CSMD3: variants seen among roughly 807,000 people sequenced by gnomAD.
The protein encoded by CSMD3 is CUB and sushi domain-containing protein 3.
A neutral mutation model predicts 435.2 loss-of-function variants in CSMD3; 177 were observed. The observed-to-expected ratio is 0.41, with a 90% confidence interval of 0.36 to 0.46. The LOEUF is 0.46. CSMD3 is among the 20% of genes least tolerant of loss of function. The probability of loss-of-function intolerance (pLI) is 0.34; values close to 1 mark genes in which losing one functional copy is unlikely to be tolerated. For missense variants in CSMD3, 4,265 were observed against 4,504.6 expected (o/e 0.95, Z 1.52); for synonymous variants, 1,656 against 1,520.5 (o/e 1.09, Z -2.07).
At chr8:113,160,276 A>T (rs905794072) in intron 4 of CSMD3, among the ~76,000 whole-genome samples, 1 of 151,910 alleles carries the variant, frequency 6.6e-6, no homozygotes, top group Non-Finnish European at 1.5e-5. Flanking sequence ...TTCTATATTA[A>T]CAACCTAGAA....
At chr8:112,618,420 A>G (rs1374133994) in intron 22 of CSMD3, among the ~76,000 whole-genome samples, 1 of 152,106 alleles carries the variant, frequency 6.6e-6, no homozygotes, top group Non-Finnish European at 1.5e-5. Context: ...AGAAGGCACA[A>G]CTTTTTTGTA....
intron 10 of CSMD3, among the ~76,000 whole-genome samples, chr8:112,894,162 A>G (rs963813596): frequency 1.3e-5 from 2 of 151,646 alleles, no homozygotes; most frequent in Non-Finnish European, 3.0e-5. Flanking sequence ...TCAAGTTCCA[A>G]GAGATCATCA....
At chr8:112,440,093 G>C (rs190685284) in intron 32 of CSMD3, among the ~76,000 whole-genome samples, 11 of 152,240 alleles carry the variant, frequency 7.2e-5, no homozygotes, top group Admixed American at 7.2e-4. Flanking sequence ...ATCAAGGCAA[G>C]TCCCTTCTAT....
intron 42 of CSMD3, among the ~76,000 whole-genome samples, chr8:112,339,539 T>C (rs1824899728): frequency 6.6e-6 from 1 of 152,126 alleles, no homozygotes; most frequent in African/African-American, 2.4e-5. Flanking sequence ...TCATTCTTTC[T>C]TTGCTTTGCT....
chr8:112,741,355 C>T (rs919769385), intron 13 of CSMD3, among the ~76,000 whole-genome samples: 1 of 151,960 alleles, frequency 6.6e-6, no homozygotes, highest in Non-Finnish European at 1.5e-5. Context: ...TGAAAAGATA[C>T]TCAGCATCAC....
At position 112,873,724 on chromosome 8, in the gene CSMD3, T is replaced by C. The variant is rs577746925; in HGVS notation, c.1634-14458A>G. ...TAGAGGATTTTATAGTATTCTCTGA[T>C]GGTAGTTTGTATTTCTGTGGGATCA... On this transcript the variant is annotated intron_variant, in intron 10 of 70. Coordinates refer to ENST00000297405, the MANE Select transcript of CSMD3 (RefSeq NM_198123.2). 5.3e-5 allele frequency among the ~76,000 whole-genome samples: 8 copies of C among 152,236 alleles called. No homozygotes were observed. In the East Asian group the frequency reaches 1.2e-3, roughly 22 times the overall value.
intron 19 of CSMD3, among the ~76,000 whole-genome samples, chr8:112,646,415 T>C (rs985088826): frequency 6.6e-6 from 1 of 152,112 alleles, no homozygotes; most frequent in African/African-American, 2.4e-5. Flanking sequence ...TGTTTGTGTG[T>C]GTGTATTTAC....
chr8:112,766,764 G>T (rs1364890184), intron 13 of CSMD3, among the ~76,000 whole-genome samples: 3 of 151,810 alleles, frequency 2.0e-5, no homozygotes, highest in African/African-American at 7.2e-5. Context: ...AGGAGAAGCA[G>T]CAGCAGAGAA....
chr8:112,255,226 T>A (rs2130273164), intron 62 of CSMD3, 28 bp downstream of exon 62: 1 of 1,575,378 alleles, frequency 6.3e-7, no homozygotes, highest in Non-Finnish European at 8.7e-7. Context: ...ACAGTTACTG[T>A]GCATAATCAG....
chr8:113,213,625 T>G (rs770269874), intron 3 of CSMD3, among the ~76,000 whole-genome samples: 1 of 152,066 alleles, frequency 6.6e-6, no homozygotes, highest in Non-Finnish European at 1.5e-5. Context: ...TATGATTATT[T>G]TCTTTGAGTA....
intron 4 of CSMD3, among the ~76,000 whole-genome samples, chr8:113,121,827 G>A (rs1438566755): frequency 2.6e-5 from 4 of 151,934 alleles, no homozygotes; most frequent in Admixed American, 6.6e-5. Flanking sequence ...TATAACTAAA[G>A]TATGAATACT....
chr8:112,572,050 G>T (rs1829569512), intron 24 of CSMD3, among the ~76,000 whole-genome samples: 1 of 149,426 alleles, frequency 6.7e-6, no homozygotes. Flanking sequence ...AAAAAAAAAA[G>T]TTTGCCCATC....
rs572164174 is a variant in CSMD3, at chr8:112,828,638, G to C, written c.1859+1048C>G. 4.6e-5 allele frequency among the ~76,000 whole-genome samples: 7 copies of C among 152,274 alleles called. No homozygotes were observed. In the South Asian group the frequency reaches 1.0e-3, roughly 23 times the overall value. The stretch of plus-strand genomic sequence containing the variant: ...TTTCTTCATAAATAATCCAGTCTCA[G>C]GTAGTTCTTTAAAGCAGTGTGAAAA... On this transcript the variant is annotated intron_variant, in intron 12 of 70. Transcript: ENST00000297405.
intron 1 of CSMD3, among the ~76,000 whole-genome samples, chr8:113,335,379 C>T (rs1194553351): frequency 6.6e-6 from 1 of 151,822 alleles, no homozygotes; most frequent in South Asian, 2.1e-4. Context: ...TCAGCTTTAC[C>T]AGCAGTATGT....
At chr8:112,768,073 G>T (rs980547862) in intron 13 of CSMD3, among the ~76,000 whole-genome samples, 2 of 151,620 alleles carry the variant, frequency 1.3e-5, no homozygotes, top group African/African-American at 4.8e-5. Flanking sequence ...CTAGTGTTTT[G>T]CAATGAATTT....
At chr8:112,788,526 T>C (rs1010848774) in intron 13 of CSMD3, among the ~76,000 whole-genome samples, 1 of 152,080 alleles carries the variant, frequency 6.6e-6, no homozygotes, top group Non-Finnish European at 1.5e-5. Flanking sequence ...TGTCTTATTA[T>C]AGTCTCCAAA....
chr8:113,280,564 A>T (rs1015254226), intron 2 of CSMD3, among the ~76,000 whole-genome samples: 1 of 151,660 alleles, frequency 6.6e-6, no homozygotes, highest in African/African-American at 2.4e-5. Context: ...TTTCTTGGTT[A>T]ATCTTGTGAA....
intron 22 of CSMD3, among the ~76,000 whole-genome samples, chr8:112,602,501 G>A (rs1832439084): frequency 6.6e-6 from 1 of 151,238 alleles, no homozygotes; most frequent in Admixed American, 6.6e-5. Flanking sequence ...AGGAGGCGGA[G>A]GTTGCCGTGA....
chr8:113,101,475 A>G (rs946109373), intron 4 of CSMD3, among the ~76,000 whole-genome samples: 3 of 152,144 alleles, frequency 2.0e-5, no homozygotes, highest in Non-Finnish European at 2.9e-5. Flanking sequence ...TAATAATAAT[A>G]TATTATATTC....
Sources: gnomAD v4.1 joint callset for allele counts (sites outside exome capture counted in the v4.1 genomes callset) on GRCh38, gnomAD v4.1.1 for gene constraint, MANE v1.5 for transcripts, NCBI Gene and HGNC (gene_info 2026-07-23, HGNC 2026-07-21) for gene names.